The following USH2A variants were observed in gnomAD, a reference collection of about 807,000 sequenced individuals.
USH2A encodes the protein Usher syndrome 2A (autosomal recessive, mild).
In USH2A, 443 loss-of-function variants were observed where a neutral mutation model predicts 538.9. The observed-to-expected ratio is 0.82, with a 90% confidence interval of 0.76 to 0.89. USH2A has a LOEUF of 0.89. Ranked by LOEUF, USH2A falls within the 40% of genes least tolerant of loss-of-function variation. USH2A has a pLI of 0.00. For missense variants in USH2A, 6,633 were observed against 6,324.8 expected, an observed-to-expected ratio of 1.05 and a Z score of -1.65; for synonymous variants, 2,413 against 2,273.5, an observed-to-expected ratio of 1.06 and a Z score of -1.75.
chr1:215,666,410 A>G (rs1232859311), intron 64 of USH2A, among the ~76,000 whole-genome samples: 5 of 152,234 alleles, frequency 3.3e-5, no homozygotes, highest in East Asian at 1.9e-4. Flanking sequence ...AGGATAGACC[A>G]ACGTCAATAG....
At chr1:216,059,549 T>C (rs1453679236) in intron 30 of USH2A, among the ~76,000 whole-genome samples, 1 of 152,302 alleles carries the variant, frequency 6.6e-6, no homozygotes, top group East Asian at 1.9e-4. Flanking sequence ...TTTTTATAGG[T>C]TTTTGTTTTG....
rs377337583 is a variant in USH2A, at chr1:216,341,095, G to A, written c.785-13441C>T. 1.4e-4 allele frequency among the ~76,000 whole-genome samples: 21 copies of A among 152,016 alleles called. 1 individual carries two copies. The highest frequency in any genetic ancestry group is 3.9e-4 in the Admixed American group (6 of 15,228). On this transcript the variant is annotated intron_variant, in intron 4 of 71. Transcript: ENST00000307340. ...CGACATGATTCTATATTTAGAAAAC[G>A]CCATTGTTTCAGCCCCAAAATTCCT...
intron 60 of USH2A, among the ~76,000 whole-genome samples, chr1:215,732,470 T>A (rs371409190): frequency 6.6e-6 from 1 of 151,846 alleles, no homozygotes; most frequent in Non-Finnish European, 1.5e-5. Context: ...ATTTCACGGT[T>A]CCATGGCTTT....
intron 37 of USH2A, among the ~76,000 whole-genome samples, chr1:215,936,102 T>C (rs1268041707): frequency 6.6e-6 from 1 of 152,034 alleles, no homozygotes; most frequent in Non-Finnish European, 1.5e-5. Flanking sequence ...AACCACTTTT[T>C]ATTATATGTA....
Position 216,270,730 on chromosome 1 carries a change from G to A in USH2A, c.1971+18550C>T, listed in dbSNP as rs187896874. ...TTCCAATTTTTTTTTTTTTTTAAGAGACAGGGTCTCACTCTGCTGCCTAGG... is the reference window on the plus strand; with the variant it reads ...TTCCAATTTTTTTTTTTTTTTAAGAAACAGGGTCTCACTCTGCTGCCTAGG... On this transcript the variant is annotated intron_variant, in intron 11 of 71. Coordinates refer to ENST00000307340, the MANE Select transcript of USH2A (RefSeq NM_206933.4). Among the ~76,000 whole-genome samples, 14 of 147,448 alleles carry A rather than the reference G, an allele frequency of 9.5e-5. No homozygotes were observed. The East Asian group carries it at 2.8e-3, about 30-fold the overall frequency.
intron 21 of USH2A, among the ~76,000 whole-genome samples, chr1:216,149,224 G>T (rs1435042140): frequency 1.3e-5 from 2 of 152,090 alleles, no homozygotes; most frequent in African/African-American, 4.8e-5. Flanking sequence ...ACTGTTAGAG[G>T]CCCTCAAAAT....
chr1:215,933,312 C>CG (rs1337317915), intron 38 of USH2A, among the ~76,000 whole-genome samples: 1 of 151,612 alleles, frequency 6.6e-6, no homozygotes, highest in Non-Finnish European at 1.5e-5. Context: ...TTTATTTTAG[C>CG]GGGGGGAGTT....
intron 16 of USH2A, among the ~76,000 whole-genome samples, chr1:216,202,910 C>T (rs2035030466): frequency 1.3e-5 from 2 of 152,082 alleles, no homozygotes; most frequent in Non-Finnish European, 2.9e-5. Context: ...TCCTTAACAC[C>T]CCAAGTTTAC....
chr1:215,640,208 G>A (rs1480822950), intron 68 of USH2A, among the ~76,000 whole-genome samples: 1 of 152,118 alleles, frequency 6.6e-6, no homozygotes, highest in Non-Finnish European at 1.5e-5. Flanking sequence ...GAAAATCTAT[G>A]AAGTTGCTAG....
chr1:216,083,397 T>C, intron 26 of USH2A, 59 bp downstream of exon 26: 1 of 1,563,946 alleles, frequency 6.4e-7, no homozygotes, highest in African/African-American at 1.4e-5. Context: ...ACATGGTTTA[T>C]TTATTTTAAA....
At chr1:215,727,551 A>T (rs534318411) in intron 61 of USH2A, among the ~76,000 whole-genome samples, 104 of 152,128 alleles carry the variant, frequency 6.8e-4, no homozygotes, top group Non-Finnish European at 9.6e-4. Flanking sequence ...ACATGGTGAA[A>T]ACCCCTCTCT....
intron 15 of USH2A, among the ~76,000 whole-genome samples, chr1:216,210,956 C>T (rs1057440898): frequency 3.5e-5 from 5 of 144,766 alleles, no homozygotes; most frequent in Admixed American, 7.3e-5. Context: ...TCCAGCCTGG[C>T]GACAGAGCGA....
intron 50 of USH2A, among the ~76,000 whole-genome samples, chr1:215,791,453 A>G (rs567517361): frequency 2.8e-4 from 42 of 152,364 alleles, no homozygotes; most frequent in African/African-American, 8.9e-4. Flanking sequence ...CATTGAAAGT[A>G]GACATTGGTT....
intron 32 of USH2A, among the ~76,000 whole-genome samples, chr1:216,028,365 C>T (rs556364736): frequency 1.3e-4 from 19 of 150,296 alleles, no homozygotes; most frequent in South Asian, 4.2e-4. Flanking sequence ...CCAGCCTGGG[C>T]GACAGAGTGA....
In USH2A at chr1:215,866,994, G is replaced by A; in HGVS notation, c.8845+13C>T. ...ACACAAAGTGTTAACACAGGTATGA[G>A]AAGCTTACTTACTTGGTTTAGCCCA... On this transcript the variant is annotated intron_variant, in intron 44 of 71. Coordinates refer to ENST00000307340, the MANE Select transcript of USH2A (RefSeq NM_206933.4). 6.2e-7 allele frequency: 1 copy of A among 1,614,058 alleles called. No homozygotes were observed. The highest frequency in any genetic ancestry group is 8.5e-7 in the Non-Finnish European group (1 of 1,179,974).
chr1:216,117,228 C>T (rs1214996612), intron 21 of USH2A, among the ~76,000 whole-genome samples: 1 of 152,130 alleles, frequency 6.6e-6, no homozygotes, highest in East Asian at 1.9e-4. Flanking sequence ...TCCTTCCAGG[C>T]CAAGGAATAC....
chr1:215,935,049 A>T (rs1227638080), intron 37 of USH2A, among the ~76,000 whole-genome samples: 3 of 152,088 alleles, frequency 2.0e-5, no homozygotes, highest in Non-Finnish European at 4.4e-5. Context: ...GAATATTCTT[A>T]GATAACTGTA....
In USH2A at chr1:215,910,006, G is replaced by A. The variant is rs78082048; in HGVS notation, c.7301-9101C>T. Among the ~76,000 whole-genome samples the A allele has an allele frequency of 9.0e-3, 1,372 of 152,000 alleles. 16 individuals carry two copies. Among genetic ancestry groups the A allele is most frequent in the African/African-American group, 0.031 (1,301 of 41,490 alleles). On this transcript the variant is annotated intron_variant, in intron 38 of 71. Transcript: ENST00000307340. ...CGGGGGACTGGAGTTCATGTGTTTA[G>A]GCCTGAGCATATACATAAGGAAGGT...
intron 38 of USH2A, among the ~76,000 whole-genome samples, chr1:215,908,824 C>T (rs1378214574): frequency 2.0e-5 from 3 of 151,612 alleles, no homozygotes; most frequent in African/African-American, 4.8e-5. Context: ...TTAGAGTTAT[C>T]GGGTAAACGT....
Sources: allele counts gnomAD v4.1 joint callset (sites outside exome capture counted in the v4.1 genomes callset), GRCh38; gene constraint gnomAD v4.1.1; transcripts MANE v1.5; gene names NCBI Gene and HGNC (gene_info 2026-07-23, HGNC 2026-07-21).